Variants in SYTL3 observed in about 807,000 individuals in gnomAD.
SYTL3 encodes synaptotagmin-like protein 3.
Under a neutral mutation model 82.1 loss-of-function variants are expected in SYTL3, and 88 were observed. The observed-to-expected ratio is 1.07, with a 90% CI of 0.90 to 1.28. The LOEUF (loss-of-function observed/expected upper bound fraction) is 1.28. Among genes scored for constraint, SYTL3 ranks in the 50% most tolerant of loss-of-function variants. The pLI, the probability that SYTL3 is intolerant of heterozygous loss-of-function variation, is 0.00. For missense variants in SYTL3, 831 were observed against 757.6 expected, an observed-to-expected ratio of 1.10 and a Z score of -1.14; for synonymous variants, 311 against 289.4, an observed-to-expected ratio of 1.07 and a Z score of -0.76.
At chr6:158,682,377 T>C (rs1334138329) in intron 5 of SYTL3, among the ~76,000 whole-genome samples, 1 of 148,252 alleles carries the variant, frequency 6.7e-6, no homozygotes, top group Non-Finnish European at 1.5e-5. Context: ...TTTTTTTTTT[T>C]GAGACGGAGT....
chr6:158,686,816 T>G (rs1363301763), intron 6 of SYTL3, among the ~76,000 whole-genome samples: 1 of 152,186 alleles, frequency 6.6e-6, no homozygotes, highest in Non-Finnish European at 1.5e-5. Context: ...TCCGACCCTG[T>G]TGAGCTGATG....
intron 6 of SYTL3, among the ~76,000 whole-genome samples, chr6:158,700,970 G>A (rs1214561639): frequency 6.6e-6 from 1 of 152,148 alleles, no homozygotes; most frequent in African/African-American, 2.4e-5. Context: ...TGGGTACCAG[G>A]GACAGCGAGA....
intron 11 of SYTL3, among the ~76,000 whole-genome samples, chr6:158,727,689 C>CT (rs55657606): frequency 0.14 from 14,719 of 106,800 alleles, 1,758 homozygotes; most frequent in Middle Eastern, 0.29. Flanking sequence ...TCCAAGTACT[C>CT]TTTTTTTTTT....
At chr6:158,656,672 T>G (rs1331790066) in intron 2 of SYTL3, among the ~76,000 whole-genome samples, 1 of 150,446 alleles carries the variant, frequency 6.6e-6, no homozygotes, top group African/African-American at 2.4e-5. Context: ...TTGCAGTGAG[T>G]GGAGATTGTG....
intron 14 of SYTL3, among the ~76,000 whole-genome samples, chr6:158,759,013 G>A (rs566780376): frequency 4.6e-5 from 7 of 152,220 alleles, no homozygotes; most frequent in East Asian, 3.9e-4. Context: ...TGGCTCCTCC[G>A]GGACGCCCTG....
At chr6:158,759,798 TGGGATTACAGGCA>T (rs1169456097) in intron 14 of SYTL3, among the ~76,000 whole-genome samples, 1 of 152,208 alleles carries the variant, frequency 6.6e-6, no homozygotes, top group African/African-American at 2.4e-5. Flanking sequence ...CCCAAAGTGC[TGGGATTACAGGCA>T]TGAGTCACCA....
chr6:158,704,594 G>A (rs940989800), intron 6 of SYTL3, among the ~76,000 whole-genome samples: 1 of 152,282 alleles, frequency 6.6e-6, no homozygotes, highest in African/African-American at 2.4e-5. Flanking sequence ...GGCAATAAGG[G>A]ACAATTGGTT....
In SYTL3 at chr6:158,764,530, C is replaced by A; in HGVS notation, c.1759C>A (p.Leu587Ile). The A allele has an allele frequency of 6.2e-7, 1 of 1,614,100 alleles. No individual in the cohort carries two copies. Among genetic ancestry groups the A allele is most frequent in the Non-Finnish European group, 8.5e-7 (1 of 1,180,010 alleles). ...DTAVGGDACS[L>I]SKLQWQKVLS... The stretch of plus-strand genomic sequence containing the variant: ...AGCTGTTGGCGGGGATGCATGCTCA[C>A]TATCGAAGCTCCAGTGGCAGAAAGT... The change falls in exon 18 of 18, where the codon CTA becomes ATA. Residue 587 changes from leucine (L) to isoleucine (I), a missense_variant. By Grantham distance (5) the Leu-to-Ile change is conservative (BLOSUM62 2). Transcript: ENST00000611299.
intron 10 of SYTL3, among the ~76,000 whole-genome samples, chr6:158,722,755 C>CTTTTTTTT: frequency 8.1e-6 from 1 of 123,098 alleles, no homozygotes; most frequent in Non-Finnish European, 1.7e-5. Flanking sequence ...GATTTTCTCT[C>CTTTTTTTT]TTTTCTGTTT....
intron 15 of SYTL3, 104 bp downstream of exon 15, chr6:158,760,849 C>T: frequency 1.1e-6 from 1 of 911,306 alleles, no homozygotes; most frequent in South Asian, 1.4e-5. Flanking sequence ...CATTTCCTTT[C>T]TACGTCCCCG....
At chr6:158,734,424 T>C (rs1785864648) in intron 11 of SYTL3, among the ~76,000 whole-genome samples, 1 of 151,996 alleles carries the variant, frequency 6.6e-6, no homozygotes, top group Non-Finnish European at 1.5e-5. Context: ...GCCGGTGGGA[T>C]CCTGTGTGAC....
chr6:158,683,593 T>G lies in SYTL3; in HGVS notation c.394+604T>G, dbSNP rs556853095. On this transcript the variant is annotated intron_variant, in intron 6 of 17. Coordinates refer to ENST00000611299, the MANE Select transcript of SYTL3 (RefSeq NM_001242394.2). ...TCCTGCTTCTAGGGGTGATGTCCCC[T>G]CCTCTGAAACACCATCAGTGCTGGG... 9.2e-5 allele frequency among the ~76,000 whole-genome samples: 14 copies of G among 152,352 alleles called. No individual in the cohort carries two copies. The South Asian group carries it at 2.9e-3, about 32-fold the overall frequency.
chr6:158,670,767 C>G (rs2128381505), intron 5 of SYTL3, among the ~76,000 whole-genome samples: 1 of 151,520 alleles, frequency 6.6e-6, no homozygotes, highest in East Asian at 1.9e-4. Flanking sequence ...AGGCGACAGA[C>G]TCAATCTCAA....
At chr6:158,728,394 G>T (rs576377723) in intron 11 of SYTL3, among the ~76,000 whole-genome samples, 7 of 152,044 alleles carry the variant, frequency 4.6e-5, no homozygotes, top group Non-Finnish European at 8.8e-5. Flanking sequence ...TGGCATCTTG[G>T]TTGGAAATCA....
intron 2 of SYTL3, among the ~76,000 whole-genome samples, chr6:158,655,405 C>T (rs1788563123): frequency 1.3e-5 from 2 of 152,200 alleles, no homozygotes; most frequent in South Asian, 4.1e-4. Flanking sequence ...CAAGTGCCTC[C>T]TGGCTGGGTG....
chr6:158,694,182 C>T (rs1197330374), intron 6 of SYTL3, among the ~76,000 whole-genome samples: 2 of 152,168 alleles, frequency 1.3e-5, no homozygotes, highest in Admixed American at 6.5e-5. Context: ...AGAGCCAAGA[C>T]TATCAAATCA....
intron 11 of SYTL3, among the ~76,000 whole-genome samples, chr6:158,734,688 C>T (rs532240156): frequency 1.4e-4 from 21 of 152,248 alleles, no homozygotes; most frequent in Admixed American, 1.2e-3. Flanking sequence ...TCCTCACCAC[C>T]CCGACATGCT....
chr6:158,701,140 TCATGGAG>T (rs1781174930), intron 6 of SYTL3, among the ~76,000 whole-genome samples: 1 of 144,334 alleles, frequency 6.9e-6, no homozygotes. Flanking sequence ...CTTAGAAGGG[TCATGGAG>T]GAGGTGAGCT....
At chr6:158,660,503 T>C (rs904367982) in intron 2 of SYTL3, among the ~76,000 whole-genome samples, 1 of 152,156 alleles carries the variant, frequency 6.6e-6, no homozygotes, top group African/African-American at 2.4e-5. Flanking sequence ...GGAAAGTAAG[T>C]GTAGTGCTTT....
Sources: gnomAD v4.1 joint callset for allele counts (sites outside exome capture counted in the v4.1 genomes callset) on GRCh38, gnomAD v4.1.1 for gene constraint, MANE v1.5 for transcripts, NCBI Gene and HGNC (gene_info 2026-07-23, HGNC 2026-07-21) for gene names.